Variants in KIF16B observed in about 807,000 individuals in gnomAD.
The protein encoded by KIF16B is kinesin family member 16B.
A neutral mutation model predicts 156.3 loss-of-function variants in KIF16B; 98 were observed. The ratio of observed to expected loss-of-function variants is 0.63; its 90% CI spans 0.53 to 0.74. The LOEUF is 0.74. Ranked by LOEUF, KIF16B falls within the 30% of genes least tolerant of loss-of-function variation. The pLI is 0.00. For missense variants in KIF16B, 1,421 were observed against 1,606.5 expected (o/e 0.88, Z 1.97); for synonymous variants, 564 against 583.7 (o/e 0.97, Z 0.49).
At chr20:16,463,556 A>T (rs1444363658) in intron 12 of KIF16B, among the ~76,000 whole-genome samples, 2 of 152,066 alleles carry the variant, frequency 1.3e-5, no homozygotes, top group African/African-American at 4.8e-5. Context: ...CTACACACAA[A>T]CACACACACA....
Position 16,379,661 on chromosome 20 carries a change from G to A in KIF16B, c.2341C>T (p.Arg781Cys), listed in dbSNP as rs142424331. ...TCTTCCACCCACTGTACCTCCCCAC[G>A]CCGCAGGAGCTGGATCATCTCCTGC... ...EKQEMIQLLR[R>C]GEVQWVEEEK... The change falls in exon 19 of 26, where the codon CGT becomes TGT. Residue 781 changes from arginine (R) to cysteine (C), a missense_variant. By Grantham distance (180) the Arg-to-Cys change is radical. Transcript: ENST00000354981. The A allele has an allele frequency of 4.3e-6, 7 of 1,613,920 alleles. No individual in the cohort carries two copies. The highest frequency in any genetic ancestry group is 3.3e-5 in the Admixed American group (2 of 59,990).
chr20:16,399,224 T>C (rs1164452640), intron 17 of KIF16B, among the ~76,000 whole-genome samples: 4 of 152,166 alleles, frequency 2.6e-5, no homozygotes, highest in Non-Finnish European at 4.4e-5. Flanking sequence ...TTGGTGACTA[T>C]GTAGGTACCC....
At chr20:16,449,312 C>A (rs565800645) in intron 12 of KIF16B, among the ~76,000 whole-genome samples, 1 of 152,050 alleles carries the variant, frequency 6.6e-6, no homozygotes, top group South Asian at 2.1e-4. Context: ...CCTATAGTAT[C>A]AACACAAAAA....
intron 16 of KIF16B, among the ~76,000 whole-genome samples, chr20:16,405,995 C>T (rs966001339): frequency 1.3e-5 from 2 of 152,266 alleles, no homozygotes; most frequent in African/African-American, 4.8e-5. Context: ...AATGAAAAAT[C>T]TGTTTACTGT....
intron 13 of KIF16B, 73 bp from the exon 14 acceptor site, chr20:16,429,077 A>G (rs2066432572): frequency 3.9e-6 from 5 of 1,293,924 alleles, no homozygotes; most frequent in Non-Finnish European, 1.1e-6. Context: ...TTTTCATTGA[A>G]GCCCAAACAA....
intron 21 of KIF16B, among the ~76,000 whole-genome samples, chr20:16,371,380 A>T (rs1352095922): frequency 6.6e-6 from 1 of 152,132 alleles, no homozygotes; most frequent in Non-Finnish European, 1.5e-5. Context: ...TGAGGTCAGG[A>T]GTTTGAGACA....
At chr20:16,525,796 T>C (rs942012261) in intron 3 of KIF16B, among the ~76,000 whole-genome samples, 2 of 152,208 alleles carry the variant, frequency 1.3e-5, no homozygotes, top group Non-Finnish European at 2.9e-5. Context: ...CAGAAATGCT[T>C]TCTATGTAGA....
At chr20:16,500,467 C>T (rs1600554757) in intron 10 of KIF16B, among the ~76,000 whole-genome samples, 1 of 152,124 alleles carries the variant, frequency 6.6e-6, no homozygotes, top group South Asian at 2.1e-4. Context: ...TATAAATATG[C>T]TATGTTCTTA....
At chr20:16,522,652 G>A (rs528063287) in intron 3 of KIF16B, among the ~76,000 whole-genome samples, 1 of 152,162 alleles carries the variant, frequency 6.6e-6, no homozygotes, top group African/African-American at 2.4e-5. Context: ...CTTGAACTCA[G>A]CTCTGGACCA....
intron 1 of KIF16B, among the ~76,000 whole-genome samples, chr20:16,528,840 A>T (rs891875960): frequency 1.3e-5 from 2 of 152,216 alleles, no homozygotes; most frequent in African/African-American, 4.8e-5. Context: ...TGGAGTGGTT[A>T]CAAGCAGGTG....
intron 1 of KIF16B, among the ~76,000 whole-genome samples, 177 bp downstream of exon 1, chr20:16,573,052 G>T (rs1199560420): frequency 2.0e-5 from 3 of 152,198 alleles, no homozygotes; most frequent in Admixed American, 2.0e-4. Context: ...AGGGCAATGT[G>T]AACGGGACAG....
intron 12 of KIF16B, among the ~76,000 whole-genome samples, chr20:16,453,047 A>G (rs2067125569): frequency 6.6e-6 from 1 of 151,926 alleles, no homozygotes; most frequent in Non-Finnish European, 1.5e-5. Flanking sequence ...TAAATAGACC[A>G]AGTTCCAATA....
At chr20:16,406,151 G>A (rs575290763) in intron 16 of KIF16B, among the ~76,000 whole-genome samples, 2 of 152,272 alleles carry the variant, frequency 1.3e-5, no homozygotes, top group East Asian at 3.9e-4. Flanking sequence ...TCTAGGAGGA[G>A]CAGTTTCTCC....
At chr20:16,508,277 C>T (rs6044039) in intron 6 of KIF16B, among the ~76,000 whole-genome samples, 177 bp from the exon 7 acceptor site, 36,139 of 152,082 alleles carry the variant, frequency 0.24, 4,918 homozygotes, top group East Asian at 0.35. Context: ...GTGGCTGGGG[C>T]CGAATCCCAG....
intron 10 of KIF16B, among the ~76,000 whole-genome samples, chr20:16,500,284 A>C (rs2068580639): frequency 6.6e-6 from 1 of 151,606 alleles, no homozygotes; most frequent in African/African-American, 2.4e-5. Context: ...AGCATTTGAA[A>C]CTCTATTTCT....
intron 22 of KIF16B, among the ~76,000 whole-genome samples, chr20:16,366,481 C>T (rs941783301): frequency 6.6e-6 from 1 of 152,006 alleles, no homozygotes; most frequent in Non-Finnish European, 1.5e-5. Context: ...GGAATAGCCA[C>T]AAATACACCA....
chr20:16,559,887 A>T (rs2070995743), intron 1 of KIF16B, among the ~76,000 whole-genome samples: 1 of 152,148 alleles, frequency 6.6e-6, no homozygotes, highest in Admixed American at 6.5e-5. Flanking sequence ...ATCTGAATAA[A>T]GTCTATTCAG....
chr20:16,480,015 A>G (rs1306512721), intron 12 of KIF16B, among the ~76,000 whole-genome samples: 1 of 152,168 alleles, frequency 6.6e-6, no homozygotes, highest in Non-Finnish European at 1.5e-5. Flanking sequence ...AGAAGGGGAC[A>G]TGGCAGGGAC....
At chr20:16,305,136 G>A (rs764361252) in intron 25 of KIF16B, among the ~76,000 whole-genome samples, 16 of 152,066 alleles carry the variant, frequency 1.1e-4, no homozygotes, top group Non-Finnish European at 1.9e-4. Flanking sequence ...CCTTTACTGC[G>A]AGAAAAATAA....
Sources: allele counts gnomAD v4.1 joint callset (sites outside exome capture counted in the v4.1 genomes callset), GRCh38; gene constraint gnomAD v4.1.1; transcripts MANE v1.5; gene names NCBI Gene and HGNC (gene_info 2026-07-23, HGNC 2026-07-21).